Variants in PCDHGA8 observed in about 807,000 individuals in gnomAD.
PCDHGA8 encodes protocadherin gamma subfamily A, 8.
PCDHGA8 carries 45 observed loss-of-function variants against 59.2 expected under a neutral mutation model. The ratio of observed to expected loss-of-function variants is 0.76; its 90% CI spans 0.60 to 0.98. The LOEUF is 0.98. PCDHGA8 is among the 50% of genes least tolerant of loss of function. The pLI, the probability that PCDHGA8 is intolerant of heterozygous loss-of-function variation, is 0.00. For synonymous variants in PCDHGA8, 531 were observed against 519.0 expected (o/e 1.02, Z -0.32); for missense variants, 1,257 against 1,196.2 (o/e 1.05, Z -0.75).
chr5:141,463,086 GC>G (rs1171354311), intron 1 of PCDHGA8, among the ~76,000 whole-genome samples: 1 of 152,098 alleles, frequency 6.6e-6, no homozygotes, highest in African/African-American at 2.4e-5. Context: ...ACATTTTCCA[GC>G]CCTATGTGAC....
At chr5:141,399,501 C>G in intron 1 of PCDHGA8, 1 of 1,614,030 alleles carries the variant, frequency 6.2e-7, no homozygotes, top group South Asian at 1.1e-5. Flanking sequence ...TCAGTGTACC[C>G]GAAAACAACC....
In PCDHGA8 at chr5:141,485,111, G is replaced by C. The variant is rs2099607127; in HGVS notation, c.2425-9696G>C. On this transcript the variant is annotated intron_variant, in intron 1 of 3. Coordinates refer to ENST00000398604, the MANE Select transcript of PCDHGA8 (RefSeq NM_032088.2). The surrounding 1 kb of genome is among the most constrained non-coding windows in gnomAD (Gnocchi z 5.7). The stretch of plus-strand genomic sequence containing the variant: ...ATAGGTGTCTCCAGCTGCTGTGGCT[G>C]TTTGGGGCGGGTCGGCTTCATCCGC... 5.4e-6 allele frequency: 7 copies of C among 1,287,562 alleles called. No individual in the cohort carries two copies. The highest frequency in any genetic ancestry group is 7.8e-6 in the Non-Finnish European group (7 of 899,436). 79.8% of individuals were successfully genotyped at this position (1,287,562 alleles called of 1,614,324 possible). A position where few individuals can be genotyped will look rare whatever the true frequency, so the allele number is the denominator to read the frequency against.
intron 1 of PCDHGA8, chr5:141,408,546 A>G (rs777449394): frequency 6.2e-7 from 1 of 1,613,898 alleles, no homozygotes; most frequent in Non-Finnish European, 8.5e-7. Context: ...AATCCTTTAA[A>G]TATTTTTCAT....
chr5:141,424,878 G>A (rs1455273258), intron 1 of PCDHGA8, among the ~76,000 whole-genome samples: 2 of 152,162 alleles, frequency 1.3e-5, no homozygotes, highest in African/African-American at 4.8e-5. Context: ...GAGGAAAGGA[G>A]ACTTATCTAG....
chr5:141,427,205 C>T lies in PCDHGA8; in HGVS notation c.2424+31968C>T, dbSNP rs73280903. 3.4e-3 allele frequency: 1,562 copies of T among 456,606 alleles called. 21 individuals carry two copies. Among genetic ancestry groups the T allele is most frequent in the African/African-American group, 0.028 (1,422 of 50,136 alleles). 28.3% of individuals were successfully genotyped at this position (456,606 alleles called of 1,614,324 possible). Reference sequence around the variant, plus strand: ...TTAAATCCAAAGACTTAATAGACTTCGAATTTCGTAGCAGTTATACCATGA... The same window carrying T: ...TTAAATCCAAAGACTTAATAGACTTTGAATTTCGTAGCAGTTATACCATGA... On this transcript the variant is annotated intron_variant, in intron 1 of 3. Transcript: ENST00000398604.
In PCDHGA8 at chr5:141,432,218, A is replaced by T. The variant is rs570925415; in HGVS notation, c.2424+36981A>T. On this transcript the variant is annotated intron_variant, in intron 1 of 3. Transcript: ENST00000398604. This position sits in a 1 kb window ranked among gnomAD's most constrained non-coding sequence, Gnocchi z 6.0. Reference sequence around the variant, plus strand: ...CCCCGACTGTGAAGAGAACGCCCAGATCACTTATTCCCTGGCTGAGAACAC... The same window carrying T: ...CCCCGACTGTGAAGAGAACGCCCAGTTCACTTATTCCCTGGCTGAGAACAC... The T allele has an allele frequency of 6.2e-7, 1 of 1,614,148 alleles. No homozygotes were observed. The highest frequency in any genetic ancestry group is 1.3e-5 in the African/African-American group (1 of 75,030).
At position 141,394,001 on chromosome 5, in the gene PCDHGA8, G is replaced by T; in HGVS notation, c.1188G>T (p.Lys396Asn). The change falls in exon 1 of 4, where the codon AAG becomes AAT. Residue 396 changes from lysine (K) to asparagine (N), a missense_variant. Lys to Asn is a moderately conservative substitution (Grantham distance 94, BLOSUM62 0). Coordinates refer to ENST00000398604, the MANE Select transcript of PCDHGA8 (RefSeq NM_032088.2). ...TRDNLPFKLE[K>N]SIGNYYRLVT... is the part of the protein sequence containing the mutation. Reference sequence around the variant, plus strand: ...ATAATTTACCTTTTAAATTAGAAAAGTCAATAGGTAATTATTATAGATTAG... The same window carrying T: ...ATAATTTACCTTTTAAATTAGAAAATTCAATAGGTAATTATTATAGATTAG... 1 of 1,613,458 alleles carries T rather than the reference G, an allele frequency of 6.2e-7. No homozygotes were observed. The highest frequency in any genetic ancestry group is 8.5e-7 in the Non-Finnish European group (1 of 1,179,596).
At position 141,432,463 on chromosome 5, in the gene PCDHGA8, C is replaced by T; in HGVS notation, c.2424+37226C>T. ...CCGAGATCCTGTACCCCGCCCTCCC[C>T]ACGGACGGTTCCACTGGCGTGGAGC... On this transcript the variant is annotated intron_variant, in intron 1 of 3. Transcript: ENST00000398604. The surrounding 1 kb of genome is among the most constrained non-coding windows in gnomAD (Gnocchi z 6.0). 6.2e-7 allele frequency: 1 copy of T among 1,614,238 alleles called. No individual in the cohort carries two copies. The highest frequency in any genetic ancestry group is 1.1e-5 in the South Asian group (1 of 91,084).
chr5:141,477,988 C>T lies in PCDHGA8; in HGVS notation c.2425-16819C>T, dbSNP rs771241128. The T allele has an allele frequency of 6.2e-7, 1 of 1,614,160 alleles. No individual in the cohort carries two copies. Among genetic ancestry groups the T allele is most frequent in the Non-Finnish European group, 8.5e-7 (1 of 1,180,032 alleles). On this transcript the variant is annotated intron_variant, in intron 1 of 3. Coordinates refer to ENST00000398604, the MANE Select transcript of PCDHGA8 (RefSeq NM_032088.2). This position sits in a 1 kb window ranked among gnomAD's most constrained non-coding sequence, Gnocchi z 4.9. ...AGAGCCTTTTTGCCATAGGGCTGCA[C>T]ACTGGTCAAATCAGTACTGCCCGTC...
rs182297545 is a variant in PCDHGA8 at position 141,400,627 on chromosome 5, G to A, written c.2424+5390G>A. ...AAGTCCAATGAGTTGTCTTAGGGAA[G>A]TCAGAGCTGCTCAGAAAGCTGTCCT... On this transcript the variant is annotated intron_variant, in intron 1 of 3. Transcript: ENST00000398604. 46 of 1,441,658 alleles carry A rather than the reference G, an allele frequency of 3.2e-5. 1 individual carries two copies. In the East Asian group the frequency reaches 8.4e-4, roughly 26 times the overall value. 89.3% of individuals were successfully genotyped at this position (1,441,658 alleles called of 1,614,324 possible). A position where few individuals can be genotyped will look rare whatever the true frequency, so the allele number is the denominator to read the frequency against.
chr5:141,408,643 C>G (rs751905674), intron 1 of PCDHGA8: 2 of 1,613,910 alleles, frequency 1.2e-6, no homozygotes, highest in Admixed American at 1.7e-5. Context: ...AATCTGCATC[C>G]GCTGGTACAC....
Position 141,490,809 on chromosome 5 carries a change from C to T in PCDHGA8, c.2425-3998C>T. On this transcript the variant is annotated intron_variant, in intron 1 of 3. Transcript: ENST00000398604. The surrounding 1 kb of genome is among the most constrained non-coding windows in gnomAD (Gnocchi z 5.4). Reference sequence around the variant, plus strand: ...GGATCTTTGCCCAGCGTACCTTTGACTATGAATTGCTGCAGATGCTGCAGA... The same window carrying T: ...GGATCTTTGCCCAGCGTACCTTTGATTATGAATTGCTGCAGATGCTGCAGA... 2 of 1,613,954 alleles carry T rather than the reference C, an allele frequency of 1.2e-6. No individual in the cohort carries two copies. Among genetic ancestry groups the T allele is most frequent in the South Asian group, 2.2e-5 (2 of 91,076 alleles).
intron 1 of PCDHGA8, among the ~76,000 whole-genome samples, chr5:141,406,668 G>A (rs1415631899): frequency 3.3e-5 from 5 of 152,122 alleles, no homozygotes; most frequent in African/African-American, 7.2e-5. Flanking sequence ...TTAAATTATG[G>A]AGAATAGTAG....
chr5:141,504,180 A>G (rs1195970606), intron 2 of PCDHGA8, among the ~76,000 whole-genome samples: 1 of 152,236 alleles, frequency 6.6e-6, no homozygotes, highest in Non-Finnish European at 1.5e-5. Context: ...ATTCAAAAAA[A>G]TCATGAAAAT....
chr5:141,508,507 TGGTCCAGCCCAACCTCAG>T (rs1377043623), intron 3 of PCDHGA8, among the ~76,000 whole-genome samples: 1 of 152,178 alleles, frequency 6.6e-6, no homozygotes, highest in Non-Finnish European at 1.5e-5. Flanking sequence ...CTCTCCCTCC[TGGTCCAGCCCAACCTCAG>T]GGCACCCCCC....
intron 2 of PCDHGA8, among the ~76,000 whole-genome samples, chr5:141,500,138 ACTTTT>A: frequency 6.6e-6 from 1 of 150,560 alleles, no homozygotes; most frequent in Middle Eastern, 3.2e-3. Flanking sequence ...ATCTTTCTAA[ACTTTT>A]CTTTGTGTAA....
chr5:141,405,005 G>C (rs1358521218), intron 1 of PCDHGA8: 7 of 1,613,830 alleles, frequency 4.3e-6, no homozygotes, highest in African/African-American at 2.7e-5. Context: ...TGCAGACCTG[G>C]AGGCCTCAGA....
chr5:141,414,854 A>C (rs1191943867), intron 1 of PCDHGA8: 3 of 1,614,230 alleles, frequency 1.9e-6, no homozygotes, highest in Non-Finnish European at 2.5e-6. Context: ...CTGGACCAGA[A>C]CGACAATGCG....
Position 141,393,454 on chromosome 5 carries a change from C to A in PCDHGA8, c.641C>A (p.Ala214Asp). 2 of 1,614,046 alleles carry A rather than the reference C, an allele frequency of 1.2e-6. No homozygotes were observed. Among genetic ancestry groups the A allele is most frequent in the South Asian group, 1.1e-5 (1 of 91,090 alleles). ...EEAAHHLVLT[A>D]SDGGKPPRSS... is the part of the protein sequence containing the mutation. ...GCTGCTCACCACCTGGTCCTCACGG[C>A]CTCGGATGGCGGCAAGCCGCCTCGC... is the stretch of plus-strand genomic sequence containing the variant. Residue 214 changes from alanine (A) to aspartate (D), a missense_variant, in exon 1 of 4, where the codon GCC (alanine) becomes GAC (aspartate). Transcript: ENST00000398604.
Sources: gnomAD v4.1 joint callset for allele counts (sites outside exome capture counted in the v4.1 genomes callset) on GRCh38, gnomAD v4.1.1 for gene constraint, Gnocchi (gnomAD v3.1) non-coding constraint, MANE v1.5 for transcripts, NCBI Gene and HGNC (gene_info 2026-07-23, HGNC 2026-07-21) for gene names.